XDH: variants seen among roughly 807,000 people sequenced by gnomAD.
XDH encodes xanthine dehydrogenase/oxidase.
Under a neutral mutation model 156.1 loss-of-function variants are expected in XDH, and 138 were observed. The ratio of observed to expected loss-of-function variants is 0.88; its 90% confidence interval spans 0.77 to 1.02. The LOEUF (loss-of-function observed/expected upper bound fraction) is 1.02. XDH is among the 50% of genes least tolerant of loss of function. The pLI, the probability that XDH is intolerant of heterozygous loss-of-function variation, is 0.00. For synonymous variants in XDH, 669 were observed against 625.7 expected (o/e 1.07, Z -1.03); for missense variants, 1,849 against 1,684.9 (o/e 1.10, Z -1.71).
chr2:31,364,181 T>TC lies in XDH; in HGVS notation c.2607dup (p.Asn870GlufsTer22). 6.2e-7 allele frequency: 1 copy of TC among 1,613,982 alleles called. No homozygotes were observed. Among genetic ancestry groups the TC allele is most frequent in the Non-Finnish European group, 8.5e-7 (1 of 1,179,990 alleles). ...ACACTCTGAGAGAGATCCTGGGTGT[T>TC]CCCCACATTGCTGAAGTGGTCCACC... On this transcript the variant is annotated frameshift_variant, in exon 24 of 36. Coordinates refer to ENST00000379416, the MANE Select transcript of XDH (RefSeq NM_000379.4). LOFTEE classifies it high-confidence loss of function.
chr2:31,362,128 T>C (rs1173667546), intron 24 of XDH, among the ~76,000 whole-genome samples: 1 of 152,118 alleles, frequency 6.6e-6, no homozygotes, highest in East Asian at 1.9e-4. Context: ...TTTTCTGCCT[T>C]TTGGGGTGAG....
At chr2:31,395,761 A>G (rs189243057) in intron 6 of XDH, among the ~76,000 whole-genome samples, 10 of 152,294 alleles carry the variant, frequency 6.6e-5, no homozygotes, top group Middle Eastern at 3.4e-3. Flanking sequence ...TTGGACAATG[A>G]GTTGTCCTGT....
chr2:31,354,231 G>C (rs1180168239), intron 24 of XDH, among the ~76,000 whole-genome samples: 2 of 152,182 alleles, frequency 1.3e-5, no homozygotes, highest in Non-Finnish European at 2.9e-5. Context: ...TGATGAGGTG[G>C]CATCCACCAC....
intron 12 of XDH, among the ~76,000 whole-genome samples, chr2:31,380,985 A>G (rs1686422108): frequency 6.6e-6 from 1 of 152,054 alleles, no homozygotes; most frequent in Non-Finnish European, 1.5e-5. Flanking sequence ...TTGTAATTTT[A>G]TACAATTTTA....
At chr2:31,401,684 C>T (rs1324357959) in intron 3 of XDH, among the ~76,000 whole-genome samples, 1 of 152,234 alleles carries the variant, frequency 6.6e-6, no homozygotes, top group Non-Finnish European at 1.5e-5. Flanking sequence ...AGGCTGCAGC[C>T]TTAAAGCATG....
At chr2:31,339,393 A>C in intron 34 of XDH, 96 bp downstream of exon 34, 1 of 1,517,736 alleles carries the variant, frequency 6.6e-7, no homozygotes, top group South Asian at 1.1e-5. Context: ...TGCCCTTTGA[A>C]GTCCCACCAG....
rs45612839 is a variant in XDH, at chr2:31,375,473, G to A, written c.1509C>T (p.Gly503=). 3 of 1,614,002 alleles carry A rather than the reference G, an allele frequency of 1.9e-6. No homozygotes were observed. Among genetic ancestry groups the A allele is most frequent in the African/African-American group, 2.7e-5 (2 of 74,868 alleles). ...TGAGGGTGCACCGGAAGTCCACCATGCCACCAGGGGCATCGGGAGGCAGAT... is the reference window on the plus strand; with the variant it reads ...TGAGGGTGCACCGGAAGTCCACCATACCACCAGGGGCATCGGGAGGCAGAT... The part of the protein sequence containing the change: ...ELHLPPDAPG[G]MVDFRCTLTL... Residue 503 remains glycine (G), a synonymous_variant, in exon 15 of 36, where the codon GGC becomes GGT. Coordinates refer to ENST00000379416, the MANE Select transcript of XDH (RefSeq NM_000379.4).
At chr2:31,383,898 G>T in intron 9 of XDH, 51 bp from the exon 10 acceptor site, 1 of 1,555,060 alleles carries the variant, frequency 6.4e-7, no homozygotes, top group Non-Finnish European at 8.8e-7. Context: ...GTATCACCAG[G>T]GCAGGCCTTA....
chr2:31,407,392 T>A (rs1687222030), intron 1 of XDH, among the ~76,000 whole-genome samples: 3 of 151,998 alleles, frequency 2.0e-5, no homozygotes, highest in Admixed American at 2.0e-4. Flanking sequence ...AAGCCATTCA[T>A]GAGATAAAAA....
intron 31 of XDH, among the ~76,000 whole-genome samples, chr2:31,343,772 G>C (rs1447392940): frequency 1.4e-5 from 2 of 143,470 alleles, no homozygotes; most frequent in Non-Finnish European, 3.1e-5. Flanking sequence ...TGTTTTTTGT[G>C]TGTATATATG....
At chr2:31,373,847 A>G in intron 16 of XDH, 26 bp downstream of exon 16, 1 of 1,612,534 alleles carries the variant, frequency 6.2e-7, no homozygotes, top group Non-Finnish European at 8.5e-7. Flanking sequence ...GTCCCCTGAT[A>G]TTAGCCATAC....
At chr2:31,389,728 A>C (rs2147996294) in intron 6 of XDH, 1 of 152,332 alleles carries the variant, frequency 6.6e-6, no homozygotes, top group Middle Eastern at 3.4e-3. Flanking sequence ...GATGTACAGT[A>C]ATGCATCACT....
At position 31,367,991 on chromosome 2, in the gene XDH, C is replaced by A; in HGVS notation, c.2167G>T (p.Gly723Trp). 6.2e-7 allele frequency: 1 copy of A among 1,614,140 alleles called. No homozygotes were observed. Among genetic ancestry groups the A allele is most frequent in the African/African-American group, 1.3e-5 (1 of 75,034 alleles). The change falls in exon 20 of 36, where the codon GGG becomes TGG. Residue 723 changes from glycine to tryptophan, a missense_variant. Coordinates refer to ENST00000379416, the MANE Select transcript of XDH (RefSeq NM_000379.4). ...LKIEKGDLKK[G>W]FSEADNVVSG... ...ACAACATTATCTGCTTCGGAAAACCCCTTCTTTAGGTCCCCTTTCTCGATC... is the reference window on the plus strand; with the variant it reads ...ACAACATTATCTGCTTCGGAAAACCACTTCTTTAGGTCCCCTTTCTCGATC...
At chr2:31,357,911 T>G (rs1212418741) in intron 24 of XDH, among the ~76,000 whole-genome samples, 2 of 152,054 alleles carry the variant, frequency 1.3e-5, no homozygotes, top group Non-Finnish European at 2.9e-5. Context: ...AACTACCACT[T>G]CAGTATGAGA....
Position 31,398,657 on chromosome 2 carries a change from T to C in XDH, c.349A>G (p.Thr117Ala), listed in dbSNP as rs556797607. Residue 117 changes from threonine to alanine, a missense_variant, in exon 5 of 36, where the codon ACC (threonine) becomes GCC (alanine). By Grantham distance (58) the Thr-to-Ala change is moderately conservative. Transcript: ENST00000379416. ...KSHGSQCGFC[T>A]PGIVMSMYTL... ...TACATACTCATGACGATGCCAGGGGTGCAGAACCCGCACTGGGAGCCGTGG... is the reference window on the plus strand; with the variant it reads ...TACATACTCATGACGATGCCAGGGGCGCAGAACCCGCACTGGGAGCCGTGG... 2 of 1,614,116 alleles carry C rather than the reference T, an allele frequency of 1.2e-6. No homozygotes were observed. Among genetic ancestry groups the C allele is most frequent in the African/African-American group, 2.7e-5 (2 of 75,024 alleles).
rs571330656 is a variant in XDH at position 31,404,890 on chromosome 2, A to G, written c.100+1017T>C. On this transcript the variant is annotated intron_variant, in intron 2 of 35. Transcript: ENST00000379416. ...GAGTGAAAGCATGGGCTCCAGTCTC[A>G]CTTCTGTGCGTGTTATAATAATCTT... is the stretch of plus-strand genomic sequence containing the variant. Among the ~76,000 whole-genome samples the G allele has an allele frequency of 1.6e-4, 24 of 152,306 alleles. No homozygotes were observed. In the East Asian group the frequency reaches 4.4e-3, roughly 28 times the overall value.
rs45573441 is a variant in XDH at position 31,341,684 on chromosome 2, C to T, written c.3520-290G>A. On this transcript the variant is annotated intron_variant, in intron 32 of 35. Coordinates refer to ENST00000379416, the MANE Select transcript of XDH (RefSeq NM_000379.4). The stretch of plus-strand genomic sequence containing the variant: ...TCATACGTGAGTAGTCAGATAGGGT[C>T]CCAGAAACCTGGGGCTTTGAATCTG... Among the ~76,000 whole-genome samples, 1,515 of 152,224 alleles carry T rather than the reference C, an allele frequency of 1.0e-2. 22 individuals carry two copies. Among genetic ancestry groups the T allele is most frequent in the South Asian group, 0.066 (316 of 4,812 alleles).
chr2:31,362,202 T>A (rs1162546362), intron 24 of XDH, among the ~76,000 whole-genome samples: 1 of 152,170 alleles, frequency 6.6e-6, no homozygotes, highest in East Asian at 1.9e-4. Context: ...CTGAAGGTGC[T>A]ATGTTCGAGG....
intron 18 of XDH, 118 bp from the exon 19 acceptor site, chr2:31,368,778 G>A: frequency 6.3e-7 from 1 of 1,582,410 alleles, no homozygotes; most frequent in Non-Finnish European, 8.6e-7. Flanking sequence ...GCACACTTTA[G>A]GAATGCCCTA....
Sources: allele counts gnomAD v4.1 joint callset (sites outside exome capture counted in the v4.1 genomes callset), GRCh38; gene constraint gnomAD v4.1.1; transcripts MANE v1.5; gene names NCBI Gene and HGNC (gene_info 2026-07-23, HGNC 2026-07-21).